Variants in TMTC2 observed in about 807,000 individuals in gnomAD.
The protein encoded by TMTC2 is transmembrane O-mannosyltransferase targeting cadherins 2, also known as protein O-mannosyl-transferase TMTC2.
Under a neutral mutation model 82.4 loss-of-function variants are expected in TMTC2, and 43 were observed. The ratio of observed to expected loss-of-function variants is 0.52; its 90% CI spans 0.41 to 0.67. The LOEUF is 0.67. Among genes scored for constraint, TMTC2 ranks in the 30% least tolerant of loss-of-function variants. The probability of loss-of-function intolerance (pLI) is 0.00; values close to 1 mark genes in which losing one functional copy is unlikely to be tolerated. For synonymous variants in TMTC2, 408 were observed against 381.9 expected, an observed-to-expected ratio of 1.07 and a Z score of -0.80; for missense variants, 919 against 1,012.4, an observed-to-expected ratio of 0.91 and a Z score of 1.25.
intron 2 of TMTC2, among the ~76,000 whole-genome samples, chr12:82,860,484 A>G (rs978145170): frequency 6.6e-6 from 1 of 152,194 alleles, no homozygotes; most frequent in Non-Finnish European, 1.5e-5. Context: ...TGCCCAGTAG[A>G]AAGGAAACTA....
intron 11 of TMTC2, among the ~76,000 whole-genome samples, chr12:83,098,298 T>C (rs75301964): frequency 0.14 from 20,906 of 152,214 alleles, 1,589 homozygotes; most frequent in East Asian, 0.26. Context: ...AATCTATTAC[T>C]TTCAGCTTTT....
intron 3 of TMTC2, among the ~76,000 whole-genome samples, chr12:82,927,096 T>G (rs1482759539): frequency 6.6e-6 from 1 of 152,240 alleles, no homozygotes. Context: ...TTTGTAAGGA[T>G]GTAGCTTCCA....
intron 9 of TMTC2, among the ~76,000 whole-genome samples, chr12:83,040,669 C>T (rs1371160348): frequency 6.8e-5 from 10 of 147,980 alleles, no homozygotes; most frequent in Non-Finnish European, 1.0e-4. Flanking sequence ...AACTTTTTTT[C>T]TGTCCTTTTC....
intron 3 of TMTC2, among the ~76,000 whole-genome samples, chr12:82,912,638 T>C (rs1874744150): frequency 6.6e-6 from 1 of 152,122 alleles, no homozygotes. Flanking sequence ...TTCACAATTG[T>C]GGTTAAGAAT....
In TMTC2 at chr12:82,747,435, A is replaced by G. The variant is rs149604182; in HGVS notation, c.83+59766A>G. 2.2e-4 allele frequency among the ~76,000 whole-genome samples: 33 copies of G among 152,332 alleles called. No individual in the cohort carries two copies. In the East Asian group the frequency reaches 6.4e-3, roughly 29 times the overall value. ...TTCAGCATTTTTTTAACTGTATCTTACTATGGTGCATAATGACTTCCAGCT... is the reference window on the plus strand; with the variant it reads ...TTCAGCATTTTTTTAACTGTATCTTGCTATGGTGCATAATGACTTCCAGCT... On this transcript the variant is annotated intron_variant, in intron 1 of 11. Transcript: ENST00000321196.
intron 1 of TMTC2, among the ~76,000 whole-genome samples, chr12:82,808,051 G>GT (rs1879321795): frequency 6.6e-6 from 1 of 151,796 alleles, no homozygotes; most frequent in Admixed American, 6.6e-5. Context: ...TCTAGATTCA[G>GT]TTTTTAAAAA....
intron 2 of TMTC2, among the ~76,000 whole-genome samples, chr12:82,868,351 T>C (rs796179213): frequency 4.6e-5 from 7 of 152,330 alleles, no homozygotes; most frequent in African/African-American, 1.4e-4. Context: ...GTGCTGATAA[T>C]TGAAAGAAAG....
At chr12:83,019,583 C>G (rs1880824252) in intron 8 of TMTC2, among the ~76,000 whole-genome samples, 1 of 152,152 alleles carries the variant, frequency 6.6e-6, no homozygotes, top group African/African-American at 2.4e-5. Context: ...CAAAACTAAG[C>G]TTATAATCCT....
chr12:83,050,384 C>T (rs1000864264), intron 9 of TMTC2, among the ~76,000 whole-genome samples: 1 of 152,140 alleles, frequency 6.6e-6, no homozygotes, highest in Non-Finnish European at 1.5e-5. Flanking sequence ...TGCAGTAATT[C>T]TAACCTTGTA....
At chr12:83,119,549 G>A (rs992745344) in intron 11 of TMTC2, among the ~76,000 whole-genome samples, 11 of 152,080 alleles carry the variant, frequency 7.2e-5, no homozygotes, top group African/African-American at 1.2e-4. Flanking sequence ...ATTCAGGCTC[G>A]TTTTGTGGGC....
At chr12:83,121,231 T>A (rs2137560718) in intron 11 of TMTC2, among the ~76,000 whole-genome samples, 1 of 152,254 alleles carries the variant, frequency 6.6e-6, no homozygotes, top group South Asian at 2.1e-4. Flanking sequence ...AAGAACCTTG[T>A]TTTGTCATAT....
At position 82,985,957 on chromosome 12, in the gene TMTC2, G is replaced by A. The variant is rs777630655; in HGVS notation, c.1981G>A (p.Glu661Lys). ...ATATATGCGTTTAAGCAAACTCCCC[G>A]AAGCAGAGCATTGGTATATGGAATC... ...EAYMRLSKLP[E>K]AEHWYMESLR... The change falls in exon 8 of 12, where the codon GAA becomes AAA. Residue 661 changes from glutamate to lysine, a missense_variant. By Grantham distance (56) the Glu-to-Lys change is moderately conservative (BLOSUM62 1). Transcript: ENST00000321196. The A allele has an allele frequency of 2.0e-5, 32 of 1,613,748 alleles. No individual in the cohort carries two copies. Among genetic ancestry groups the A allele is most frequent in the Admixed American group, 6.7e-5 (4 of 59,984 alleles).
intron 2 of TMTC2, among the ~76,000 whole-genome samples, chr12:82,873,213 T>TGTGTGTGTGTGTGTGTG (rs142938543): frequency 4.2e-5 from 6 of 143,534 alleles, no homozygotes; most frequent in African/African-American, 1.6e-4. Flanking sequence ...TTCAAAGATG[T>TGTGTGTGTGTGTGTGTG]TGTGTGTGTG....
At chr12:83,078,668 T>C (rs780857137) in intron 11 of TMTC2, among the ~76,000 whole-genome samples, 2 of 152,222 alleles carry the variant, frequency 1.3e-5, no homozygotes, top group Non-Finnish European at 2.9e-5. Flanking sequence ...TTCAGTTTCT[T>C]AACTATATAT....
intron 1 of TMTC2, among the ~76,000 whole-genome samples, chr12:82,746,610 C>G (rs1010030389): frequency 6.6e-6 from 1 of 152,200 alleles, no homozygotes; most frequent in Non-Finnish European, 1.5e-5. Flanking sequence ...CCTGGCTATT[C>G]AAACCTGAAT....
intron 1 of TMTC2, among the ~76,000 whole-genome samples, chr12:82,812,205 C>T (rs897347095): frequency 6.6e-6 from 1 of 152,062 alleles, no homozygotes; most frequent in Non-Finnish European, 1.5e-5. Context: ...CTTACTGATA[C>T]TTATTAGAAG....
At chr12:82,753,880 T>A (rs1285203856) in intron 1 of TMTC2, among the ~76,000 whole-genome samples, 2 of 152,242 alleles carry the variant, frequency 1.3e-5, no homozygotes, top group Non-Finnish European at 2.9e-5. Context: ...TAAAGCGTAC[T>A]ATATTAATTG....
intron 7 of TMTC2, among the ~76,000 whole-genome samples, chr12:82,978,655 G>A (rs988670605): frequency 6.6e-6 from 1 of 151,762 alleles, no homozygotes; most frequent in Non-Finnish European, 1.5e-5. Context: ...TGAAAAATGT[G>A]TATTCTGCAG....
chr12:83,061,502 A>G lies in TMTC2; in HGVS notation c.2268-266A>G, dbSNP rs535401350. Among the ~76,000 whole-genome samples, 4 of 151,872 alleles carry G rather than the reference A, an allele frequency of 2.6e-5. No homozygotes were observed. The South Asian group carries it at 8.3e-4, about 32-fold the overall frequency. On this transcript the variant is annotated intron_variant, in intron 10 of 11. Coordinates refer to ENST00000321196, the MANE Select transcript of TMTC2 (RefSeq NM_152588.3). ...TATATTACCTAGTTTTGCATGGAAA[A>G]GTAGGATAACTTTTCTAATTCCTAA...
Sources: allele counts gnomAD v4.1 joint callset (sites outside exome capture counted in the v4.1 genomes callset), GRCh38; gene constraint gnomAD v4.1.1; transcripts MANE v1.5; gene names NCBI Gene and HGNC (gene_info 2026-07-23, HGNC 2026-07-21).